Variants in WNT7A observed in about 807,000 individuals in gnomAD.
The protein encoded by WNT7A is protein Wnt-7a.
WNT7A carries 16 observed loss-of-function variants against 28.2 expected under a neutral mutation model. The ratio of observed to expected loss-of-function variants is 0.57; its 90% CI spans 0.38 to 0.86. The LOEUF (loss-of-function observed/expected upper bound fraction) is 0.86. Ranked by LOEUF, WNT7A falls within the 40% of genes least tolerant of loss-of-function variation. The probability of loss-of-function intolerance (pLI) is 0.00; values close to 1 mark genes in which losing one functional copy is unlikely to be tolerated. For synonymous variants in WNT7A, 190 were observed against 195.9 expected (o/e 0.97, Z 0.25); for missense variants, 411 against 489.7 (o/e 0.84, Z 1.52).
chr3:13,819,017 C>G lies in WNT7A; in HGVS notation c.977G>C (p.Cys326Ser). ...HQYARVWQCN[C>S]KFHWCCYVKC... ...GACATAGCAGCACCAGTGGAACTTA[C>G]AGTTGCACTGCCACACGCGGGCGTA... The change falls in exon 4 of 4, where the codon TGT becomes TCT. Residue 326 changes from cysteine (C) to serine (S), a missense_variant. Physicochemically the swap from Cys to Ser is moderately radical, Grantham distance 112. Transcript: ENST00000285018. The G allele has an allele frequency of 6.2e-7, 1 of 1,611,998 alleles. No individual in the cohort carries two copies.
intron 3 of WNT7A, among the ~76,000 whole-genome samples, chr3:13,825,102 G>C (rs1302261722): frequency 6.6e-6 from 1 of 152,202 alleles, no homozygotes; most frequent in African/African-American, 2.4e-5. Context: ...AGAGCACAGG[G>C]TATTTCTGGA....
chr3:13,874,638 G>C (rs1035305710), intron 2 of WNT7A, among the ~76,000 whole-genome samples: 23 of 152,146 alleles, frequency 1.5e-4, no homozygotes, highest in Non-Finnish European at 3.2e-4. Flanking sequence ...CTATATTTTA[G>C]GTGAAACAAC....
intron 3 of WNT7A, among the ~76,000 whole-genome samples, chr3:13,850,856 G>A (rs959825173): frequency 5.9e-5 from 9 of 152,000 alleles, no homozygotes; most frequent in South Asian, 2.1e-4. Flanking sequence ...ATGTCTACAC[G>A]CACTCACAAA....
At chr3:13,864,936 C>T (rs1694887454) in intron 2 of WNT7A, among the ~76,000 whole-genome samples, 1 of 152,176 alleles carries the variant, frequency 6.6e-6, no homozygotes, top group East Asian at 1.9e-4. Context: ...GATTTCGCTG[C>T]CCATGGCAAT....
chr3:13,878,229 T>A (rs1435194538), intron 1 of WNT7A, among the ~76,000 whole-genome samples: 2 of 151,758 alleles, frequency 1.3e-5, no homozygotes, highest in African/African-American at 4.8e-5. Context: ...CAGGGGAGGT[T>A]ATTTTCTGCT....
intron 3 of WNT7A, among the ~76,000 whole-genome samples, chr3:13,832,261 C>T (rs1694292938): frequency 6.7e-6 from 1 of 148,848 alleles, no homozygotes; most frequent in South Asian, 2.2e-4. Context: ...CTCTTGCTCC[C>T]ATCCTCCTGC....
intron 3 of WNT7A, among the ~76,000 whole-genome samples, chr3:13,834,730 C>T (rs1694338608): frequency 1.3e-5 from 2 of 152,194 alleles, no homozygotes; most frequent in Non-Finnish European, 2.9e-5. Flanking sequence ...ATCTCACCTT[C>T]CCTATGAGGC....
At chr3:13,861,218 C>T (rs1279741992) in intron 2 of WNT7A, among the ~76,000 whole-genome samples, 2 of 152,228 alleles carry the variant, frequency 1.3e-5, no homozygotes, top group African/African-American at 2.4e-5. Flanking sequence ...GCCACCATGG[C>T]CTGTGTGCCC....
At chr3:13,877,376 C>G in intron 1 of WNT7A, among the ~76,000 whole-genome samples, 1 of 152,222 alleles carries the variant, frequency 6.6e-6, no homozygotes, top group Non-Finnish European at 1.5e-5. Context: ...AAACCCGAGT[C>G]TAACACACAC....
At chr3:13,869,072 G>A (rs1383655652) in intron 2 of WNT7A, among the ~76,000 whole-genome samples, 4 of 149,276 alleles carry the variant, frequency 2.7e-5, no homozygotes, top group Admixed American at 2.7e-4. Flanking sequence ...GAAAGCAAGT[G>A]AGAGAGAGAA....
chr3:13,848,598 A>C (rs1382514849), intron 3 of WNT7A, among the ~76,000 whole-genome samples: 2 of 152,248 alleles, frequency 1.3e-5, no homozygotes, highest in Non-Finnish European at 2.9e-5. Context: ...GCTGGTGAGG[A>C]TGTGGAGCAA....
intron 3 of WNT7A, among the ~76,000 whole-genome samples, chr3:13,847,543 G>A (rs1188508706): frequency 8.5e-5 from 13 of 152,158 alleles, no homozygotes; most frequent in African/African-American, 2.9e-4. Flanking sequence ...GCACTGTCCC[G>A]AGGCCACCGT....
intron 1 of WNT7A, 82 bp downstream of exon 1, chr3:13,879,664 G>T: frequency 6.7e-7 from 1 of 1,493,456 alleles, no homozygotes; most frequent in East Asian, 2.5e-5. Flanking sequence ...GGCCGGCAGA[G>T]GCTCGCAGGC....
intron 2 of WNT7A, among the ~76,000 whole-genome samples, chr3:13,857,500 T>C (rs1467458918): frequency 1.3e-5 from 2 of 151,440 alleles, no homozygotes. Flanking sequence ...GCAGGTGGGG[T>C]TGGAGGAAGC....
chr3:13,839,578 G>A (rs1321650352), intron 3 of WNT7A, among the ~76,000 whole-genome samples: 1 of 152,228 alleles, frequency 6.6e-6, no homozygotes, highest in Non-Finnish European at 1.5e-5. Flanking sequence ...TACACCAGGA[G>A]CTGGTCCATC....
At chr3:13,853,341 C>T (rs1009508660) in intron 3 of WNT7A, among the ~76,000 whole-genome samples, 1 of 152,192 alleles carries the variant, frequency 6.6e-6, no homozygotes, top group Non-Finnish European at 1.5e-5. Flanking sequence ...TGGCTGAAAC[C>T]TGAAGGACAA....
intron 3 of WNT7A, among the ~76,000 whole-genome samples, chr3:13,849,170 A>G (rs1373244234): frequency 6.6e-6 from 1 of 152,202 alleles, no homozygotes; most frequent in Non-Finnish European, 1.5e-5. Flanking sequence ...TAGCATCAGC[A>G]TCCTAGTTGT....
chr3:13,829,903 C>A (rs1326532261), intron 3 of WNT7A, among the ~76,000 whole-genome samples: 1 of 152,142 alleles, frequency 6.6e-6, no homozygotes, highest in African/African-American at 2.4e-5. Context: ...TTCATCCTTT[C>A]TCCTGCCTTC....
At chr3:13,874,870 T>C in intron 2 of WNT7A, 77 bp downstream of exon 2, 1 of 1,473,664 alleles carries the variant, frequency 6.8e-7, no homozygotes, top group Non-Finnish European at 9.3e-7. Flanking sequence ...GTGAGGGAGT[T>C]CCAGAGGGCA....
Sources: allele counts gnomAD v4.1 joint callset (sites outside exome capture counted in the v4.1 genomes callset), GRCh38; gene constraint gnomAD v4.1.1; transcripts MANE v1.5; gene names NCBI Gene and HGNC (gene_info 2026-07-23, HGNC 2026-07-21).